Variants in MNT observed in about 807,000 individuals in gnomAD.
MNT encodes the protein max-binding protein MNT.
In MNT, 13 loss-of-function variants were observed where a neutral mutation model predicts 40.7. The observed-to-expected ratio is 0.32, with a 90% CI of 0.21 to 0.51. The LOEUF (loss-of-function observed/expected upper bound fraction) is 0.51, where lower values mean the gene tolerates loss of function less well. Among genes scored for constraint, MNT ranks in the 20% least tolerant of loss-of-function variants. The pLI, the probability that MNT is intolerant of heterozygous loss-of-function variation, is 0.98. For missense variants in MNT, 757 were observed against 792.0 expected, an observed-to-expected ratio of 0.96 and a Z score of 0.53; for synonymous variants, 426 against 354.8, an observed-to-expected ratio of 1.20 and a Z score of -2.26.
chr17:2,387,131 G>A lies in MNT; in HGVS notation c.1519C>T (p.Gln507Ter). Residue 507 changes from glutamine to a stop codon, truncating the protein, a stop_gained, in exon 6 of 6, where the codon CAG becomes TAG. Transcript: ENST00000174618. LOFTEE classifies it high-confidence loss of function. ...ACGGGCTGCGGGTACAAGGGCAGCT[G>A]GGAGCCCAGGTGGGCCACATGGTTG... Reference protein sequence around the residue: ...TLNHVAHLGSQLPLYPQPVAV... With the variant: ...TLNHVAHLGS 6.3e-7 allele frequency: 1 copy of A among 1,593,600 alleles called. No individual in the cohort carries two copies.
intron 1 of MNT, among the ~76,000 whole-genome samples, chr17:2,397,345 C>T (rs535578748): frequency 6.6e-6 from 1 of 152,316 alleles, no homozygotes; most frequent in Admixed American, 6.5e-5. Context: ...CAGCCCCTTC[C>T]CCTACCCCAA....
rs2066609999 is a variant in MNT at position 2,400,785 on chromosome 17, G to C, written c.-73C>G. On this transcript the variant is annotated 5_prime_UTR_variant, in exon 1 of 6. Transcript: ENST00000174618. ...CGAGCCGGGCACAGGTCAGGCTGGC[G>C]GGCAGGCAGGAGGGAGGGATCACCT... The C allele has an allele frequency of 7.4e-7, 1 of 1,358,700 alleles. No homozygotes were observed. 84.2% of individuals were successfully genotyped at this position (1,358,700 alleles called of 1,614,324 possible). A position where few individuals can be genotyped will look rare whatever the true frequency, so the allele number is the denominator to read the frequency against.
At chr17:2,389,936 A>G (rs1597416307) in intron 4 of MNT, 1 of 151,852 alleles carries the variant, frequency 6.6e-6, no homozygotes, top group Admixed American at 6.6e-5. Flanking sequence ...CAAAATTTCT[A>G]TTAAGTTTTC....
intron 4 of MNT, among the ~76,000 whole-genome samples, chr17:2,392,973 C>T (rs949009675): frequency 6.6e-6 from 1 of 152,152 alleles, no homozygotes; most frequent in Non-Finnish European, 1.5e-5. Context: ...CTCCGGTTAC[C>T]TCAGGGCTGT....
intron 4 of MNT, among the ~76,000 whole-genome samples, chr17:2,393,596 G>C (rs1279988892): frequency 1.4e-4 from 22 of 152,202 alleles, no homozygotes; most frequent in Non-Finnish European, 5.9e-5. Flanking sequence ...AGCGTGGACG[G>C]GGACCACGCC....
intron 4 of MNT, chr17:2,393,813 C>A (rs971614885): frequency 1.3e-5 from 3 of 224,992 alleles, no homozygotes; most frequent in Non-Finnish European, 2.6e-5. Flanking sequence ...GCTGCAGGGG[C>A]TCGGGAGCGG....
chr17:2,393,845 T>A (rs944554883), intron 4 of MNT, 198 bp downstream of exon 4: 1 of 286,700 alleles, frequency 3.5e-6, no homozygotes, highest in Non-Finnish European at 6.4e-6. Flanking sequence ...AGCCGCGCCC[T>A]CCTCTGCGCA....
chr17:2,397,670 T>C (rs1461180963), intron 1 of MNT, among the ~76,000 whole-genome samples: 3 of 152,002 alleles, frequency 2.0e-5, no homozygotes, highest in Non-Finnish European at 1.5e-5. Flanking sequence ...TGGAGCAGCA[T>C]GAAAAAGCTC....
Position 2,385,829 on chromosome 17 carries a change from T to G in MNT, c.*1072A>C, listed in dbSNP as rs935442096. On this transcript the variant is annotated 3_prime_UTR_variant, in exon 6 of 6. Coordinates refer to ENST00000174618, the MANE Select transcript of MNT (RefSeq NM_020310.3). ...AGCCGCTGGGTTTTTACCTTCCTGATGTCTCAACGATGTGGCTTCTATGCT... is the reference window on the plus strand; with the variant it reads ...AGCCGCTGGGTTTTTACCTTCCTGAGGTCTCAACGATGTGGCTTCTATGCT... The G allele has an allele frequency of 6.6e-6, 1 of 152,304 alleles. No individual in the cohort carries two copies. Among genetic ancestry groups the G allele is most frequent in the South Asian group, 2.1e-4 (1 of 4,834 alleles). The allele number at this position is 152,304 out of a possible 1,614,324, so 9.4% of individuals were successfully genotyped here.
In MNT at chr17:2,393,108, G is replaced by A. The variant is rs8072023; in HGVS notation, c.807+935C>T. On this transcript the variant is annotated intron_variant, in intron 4 of 5. Coordinates refer to ENST00000174618, the MANE Select transcript of MNT (RefSeq NM_020310.3). ...CGCCGCCCCCGGAGCTTCCTCAGAG[G>A]ATGGACAGGGAGAGTCCCGGCTCGC... Among the ~76,000 whole-genome samples, 984 of 151,574 alleles carry A rather than the reference G, an allele frequency of 6.5e-3. 17 individuals are homozygous for A. Among genetic ancestry groups the A allele is most frequent in the African/African-American group, 0.023 (933 of 41,230 alleles).
rs151061793 is a variant in MNT at position 2,387,491 on chromosome 17, G to C, written c.1159C>G (p.His387Asp). Residue 387 changes from histidine (H) to aspartate (D), a missense_variant, in exon 6 of 6, where the codon CAC becomes GAC. By Grantham distance (81) the His-to-Asp change is moderately conservative. This residue lies in a region of MNT where 345 missense variants were observed against 380.1 expected (regional missense o/e 0.91). Coordinates refer to ENST00000174618, the MANE Select transcript of MNT (RefSeq NM_020310.3). Reference protein sequence around the residue: ...PLPPHPHPHPHSVALPPAHLP... With the variant: ...PLPPHPHPHPDSVALPPAHLP... ...TGGGCAGGAGGTAGGGCCACGGAGT[G>C]GGGGTGAGGGTGTGGGTGTGGAGGC... The C allele has an allele frequency of 6.2e-7, 1 of 1,612,886 alleles. No homozygotes were observed.
At position 2,394,877 on chromosome 17, in the gene MNT, C is replaced by A. The variant is rs768677100; in HGVS notation, c.651G>T (p.Gly217=). The A allele has an allele frequency of 6.4e-7, 1 of 1,574,800 alleles. No homozygotes were observed. Among genetic ancestry groups the A allele is most frequent in the East Asian group, 2.3e-5 (1 of 43,078 alleles). ...VKSSEQKKRP[G]GIGTREVHNK... ...CGACCCCGCCACACCCCACTCACCC[C>A]CCGGGCCTCTTCTTCTGTTCACTGG... Residue 217 remains glycine (G), a splice_region_variant and synonymous_variant, in exon 2 of 6, where the codon GGG becomes GGT. Transcript: ENST00000174618.
intron 1 of MNT, among the ~76,000 whole-genome samples, chr17:2,397,967 C>T (rs1290960048): frequency 7.2e-5 from 11 of 152,248 alleles, no homozygotes; most frequent in Non-Finnish European, 1.6e-4. Context: ...CCAAGGCTTC[C>T]GCCCACAGTC....
chr17:2,390,217 TG>T (rs912857764), intron 4 of MNT: 1 of 152,310 alleles, frequency 6.6e-6, no homozygotes, highest in Non-Finnish European at 1.5e-5. Context: ...GGGAAGGACC[TG>T]GAAGAGTGCT....
intron 1 of MNT, among the ~76,000 whole-genome samples, chr17:2,397,568 C>G (rs2151672223): frequency 6.6e-6 from 1 of 152,284 alleles, no homozygotes; most frequent in South Asian, 2.1e-4. Flanking sequence ...CAAAGCTCAC[C>G]TGGGAGGTAG....
intron 1 of MNT, among the ~76,000 whole-genome samples, chr17:2,398,550 A>T (rs370542071): frequency 1.3e-5 from 2 of 152,124 alleles, no homozygotes; most frequent in East Asian, 3.9e-4. Flanking sequence ...TGGAGGAGAA[A>T]CTGCTGGGAT....
intron 3 of MNT, 27 bp from the exon 4 acceptor site, chr17:2,394,181 G>T: frequency 6.2e-7 from 1 of 1,605,842 alleles, no homozygotes; most frequent in Non-Finnish European, 8.5e-7. Flanking sequence ...GCGCCGGTCA[G>T]CGGTGCCTGG....
intron 1 of MNT, among the ~76,000 whole-genome samples, chr17:2,399,894 A>AC (rs1245659805): frequency 6.6e-6 from 1 of 151,880 alleles, no homozygotes; most frequent in Non-Finnish European, 1.5e-5. Context: ...CCGGGGGCTG[A>AC]CCCCCAGCGA....
intron 4 of MNT, among the ~76,000 whole-genome samples, chr17:2,388,785 G>A (rs1203335227): frequency 1.3e-5 from 2 of 152,002 alleles, no homozygotes; most frequent in Admixed American, 6.6e-5. Context: ...AGTCTTTCCC[G>A]TGCTCCAACC....
Sources: gnomAD v4.1 joint callset for allele counts (sites outside exome capture counted in the v4.1 genomes callset) on GRCh38, gnomAD v4.1.1 for gene constraint, gnomAD v4.1.1 regional missense constraint, MANE v1.5 for transcripts, NCBI Gene and HGNC (gene_info 2026-07-23, HGNC 2026-07-21) for gene names.